The following FAM20C variants were observed in gnomAD, a reference collection of about 807,000 sequenced individuals.
FAM20C encodes extracellular serine/threonine protein kinase FAM20C.
In FAM20C, 40 loss-of-function variants were observed where a neutral mutation model predicts 51.5. That is an observed-to-expected ratio of 0.78 (90% CI 0.60 to 1.01). The LOEUF is 1.01. Among genes scored for constraint, FAM20C ranks in the 50% least tolerant of loss-of-function variants. The probability of loss-of-function intolerance (pLI) is 0.00; values close to 1 mark genes in which losing one functional copy is unlikely to be tolerated. For missense variants in FAM20C, 861 were observed against 844.7 expected, an observed-to-expected ratio of 1.02 and a Z score of -0.24; for synonymous variants, 406 against 380.6, an observed-to-expected ratio of 1.07 and a Z score of -0.78.
intron 3 of FAM20C, among the ~76,000 whole-genome samples, chr7:226,473 G>T (rs1787450913): frequency 6.6e-6 from 1 of 152,186 alleles, no homozygotes; most frequent in South Asian, 2.1e-4. Flanking sequence ...AGGGCCCAAG[G>T]CTCAGGGAGG....
intron 3 of FAM20C, among the ~76,000 whole-genome samples, chr7:212,630 G>T (rs1279444382): frequency 6.6e-6 from 1 of 152,088 alleles, no homozygotes; most frequent in African/African-American, 2.4e-5. Flanking sequence ...GTGGGGGCCA[G>T]CCTGGGGTGC....
intron 7 of FAM20C, 118 bp from the exon 8 acceptor site, chr7:256,887 C>T: frequency 7.1e-7 from 1 of 1,409,680 alleles, no homozygotes; most frequent in Non-Finnish European, 9.7e-7. Context: ...TGTGAAGGGG[C>T]CAGATTGCTT....
chr7:248,221 A>G, intron 4 of FAM20C, 94 bp from the exon 5 acceptor site: 1 of 874,856 alleles, frequency 1.1e-6, no homozygotes, highest in Non-Finnish European at 1.8e-6. Flanking sequence ...CAGAGCACAG[A>G]CCCTCCCCTG....
intron 3 of FAM20C, among the ~76,000 whole-genome samples, chr7:218,813 GCACAGA>G (rs766975772): frequency 1.1e-4 from 16 of 151,854 alleles, no homozygotes; most frequent in Admixed American, 3.3e-4. Context: ...GGCCCAGGAC[GCACAGA>G]TCACTCCGGT....
chr7:222,820 T>G (rs1445787849), intron 3 of FAM20C, among the ~76,000 whole-genome samples: 1 of 151,850 alleles, frequency 6.6e-6, no homozygotes, highest in Non-Finnish European at 1.5e-5. Context: ...TGTGTATGAG[T>G]GTGTAAGGGC....
At chr7:205,265 C>T (rs1414335528) in intron 2 of FAM20C, among the ~76,000 whole-genome samples, 1 of 149,940 alleles carries the variant, frequency 6.7e-6, no homozygotes, top group African/African-American at 2.5e-5. Context: ...ACCACGACGT[C>T]AGCCTCCCGA....
chr7:210,956 C>T (rs1786678269), intron 3 of FAM20C, among the ~76,000 whole-genome samples: 1 of 152,102 alleles, frequency 6.6e-6, no homozygotes, highest in Non-Finnish European at 1.5e-5. Context: ...TTATGTTTGT[C>T]CATCCTCACA....
chr7:257,653 C>G (rs968403130), intron 8 of FAM20C, among the ~76,000 whole-genome samples: 12 of 152,296 alleles, frequency 7.9e-5, no homozygotes, highest in African/African-American at 2.9e-4. Context: ...CTCCCTGGAG[C>G]CATCTCAACT....
intron 3 of FAM20C, among the ~76,000 whole-genome samples, chr7:237,461 A>G (rs1216527526): frequency 6.6e-6 from 1 of 152,194 alleles, no homozygotes; most frequent in Non-Finnish European, 1.5e-5. Flanking sequence ...GACGGTGCTG[A>G]TGGTGATTGT....
rs191773822 is a variant in FAM20C, at chr7:249,233, C to A, written c.1072+803C>A. Among the ~76,000 whole-genome samples, 503 of 152,326 alleles carry A rather than the reference C, an allele frequency of 3.3e-3. 5 individuals are homozygous for A. The highest frequency in any genetic ancestry group is 0.012 in the African/African-American group (479 of 41,576). ...TAGTAACAGGGTGGGCGGCCTCCCC[C>A]GCCTCGGCGAAGTGGCTGGACTGTG... On this transcript the variant is annotated intron_variant, in intron 5 of 9. Coordinates refer to ENST00000313766, the MANE Select transcript of FAM20C (RefSeq NM_020223.4).
intron 3 of FAM20C, among the ~76,000 whole-genome samples, chr7:242,947 C>T (rs2115136238): frequency 6.6e-6 from 1 of 151,918 alleles, no homozygotes; most frequent in South Asian, 2.1e-4. Context: ...CTACAAGAAA[C>T]CTGTGCCACC....
At chr7:259,459 TC>T in intron 9 of FAM20C, among the ~76,000 whole-genome samples, 1 of 149,628 alleles carries the variant, frequency 6.7e-6, no homozygotes, top group African/African-American at 2.4e-5. Context: ...TGTCTCTGTC[TC>T]TCTCTCTGTC....
intron 2 of FAM20C, among the ~76,000 whole-genome samples, 153 bp downstream of exon 2, chr7:195,885 G>A (rs1489914947): frequency 1.3e-5 from 2 of 152,224 alleles, no homozygotes; most frequent in African/African-American, 4.8e-5. Flanking sequence ...CAGCGAGGAG[G>A]GACAGAGGGC....
intron 4 of FAM20C, 55 bp from the exon 5 acceptor site, chr7:248,260 A>G: frequency 7.6e-7 from 1 of 1,318,890 alleles, no homozygotes; most frequent in Non-Finnish European, 1.0e-6. Context: ...GCAGGGACAC[A>G]GAGGCCCGCT....
Position 207,272 on chromosome 7 carries a change from C to T in FAM20C, c.785-1626C>T, listed in dbSNP as rs371041889. ...CGCACACGTGTCCACTGTGACGCGTCGGTCACTGTCCCCTCGGCCCCGCAC... is the reference window on the plus strand; with the variant it reads ...CGCACACGTGTCCACTGTGACGCGTTGGTCACTGTCCCCTCGGCCCCGCAC... On this transcript the variant is annotated intron_variant, in intron 2 of 9. Transcript: ENST00000313766. Among the ~76,000 whole-genome samples, 5 of 69,228 alleles carry T rather than the reference C, an allele frequency of 7.2e-5. No individual in the cohort carries two copies. In the East Asian group the frequency reaches 1.8e-3, roughly 25 times the overall value. The allele number at this position is 69,228 out of a possible 152,430, so 45.4% of individuals were successfully genotyped here.
intron 3 of FAM20C, among the ~76,000 whole-genome samples, chr7:236,846 C>T (rs982545870): frequency 2.1e-4 from 32 of 150,520 alleles, no homozygotes; most frequent in Non-Finnish European, 4.3e-4. Flanking sequence ...GGAGGTGAGG[C>T]GGGTGCCCTG....
chr7:225,975 T>G lies in FAM20C; in HGVS notation c.863+16999T>G, dbSNP rs28670833. ...CTCATTGCGCAGAATGGCACCCTCATGGGGTCGCACGGCGGCTGTCCCCTG... is the reference window on the plus strand; with the variant it reads ...CTCATTGCGCAGAATGGCACCCTCAGGGGGTCGCACGGCGGCTGTCCCCTG... On this transcript the variant is annotated intron_variant, in intron 3 of 9. Transcript: ENST00000313766. Among the ~76,000 whole-genome samples the G allele has an allele frequency of 1.3e-3, 72 of 56,532 alleles. 3 individuals are homozygous for G. The highest frequency in any genetic ancestry group is 3.6e-3 in the African/African-American group (65 of 18,256). 37.1% of individuals were successfully genotyped at this position (56,532 alleles called of 152,430 possible). A position where few individuals can be genotyped will look rare whatever the true frequency, so the allele number is the denominator to read the frequency against.
chr7:248,924 G>A (rs1788288899), intron 5 of FAM20C, among the ~76,000 whole-genome samples: 1 of 152,228 alleles, frequency 6.6e-6, no homozygotes, highest in Non-Finnish European at 1.5e-5. Flanking sequence ...TCACAGTGCT[G>A]TTCCCAACCC....
At chr7:208,771 C>A in intron 2 of FAM20C, 127 bp from the exon 3 acceptor site, 1 of 889,158 alleles carries the variant, frequency 1.1e-6, no homozygotes, top group Non-Finnish European at 1.7e-6. Flanking sequence ...TCAAACTTCC[C>A]AGGCAGAGTG....
Sources: allele counts gnomAD v4.1 joint callset (sites outside exome capture counted in the v4.1 genomes callset), GRCh38; gene constraint gnomAD v4.1.1; transcripts MANE v1.5; gene names NCBI Gene and HGNC (gene_info 2026-07-23, HGNC 2026-07-21).